CYP24A1: variants seen among roughly 807,000 people sequenced by gnomAD.
CYP24A1 encodes the protein 1,25-dihydroxyvitamin D(3) 24-hydroxylase, mitochondrial.
A neutral mutation model predicts 62.4 loss-of-function variants in CYP24A1; 68 were observed. That is an observed-to-expected ratio of 1.09 (90% CI 0.90 to 1.33). The LOEUF (loss-of-function observed/expected upper bound fraction) is 1.33, where lower values mean the gene tolerates loss of function less well. CYP24A1 is among the 40% of genes most tolerant of loss of function. The pLI is 0.00. For synonymous variants in CYP24A1, 267 were observed against 253.0 expected (o/e 1.06, Z -0.52); for missense variants, 787 against 653.0 (o/e 1.21, Z -2.24).
chr20:54,162,238 T>C lies in CYP24A1; in HGVS notation c.990+479A>G, dbSNP rs940875974. Among the ~76,000 whole-genome samples, 3 of 133,802 alleles carry C rather than the reference T, an allele frequency of 2.2e-5. No individual in the cohort carries two copies. In the East Asian group the frequency reaches 5.9e-4, roughly 26 times the overall value. The allele number at this position is 133,802 out of a possible 152,430, so 87.8% of individuals were successfully genotyped here. On this transcript the variant is annotated intron_variant, in intron 7 of 11. Coordinates refer to ENST00000216862, the MANE Select transcript of CYP24A1 (RefSeq NM_000782.5). Reference sequence around the variant, plus strand: ...AGTATGCCTTTTTTTTTTTTTTTTTTTTTTTTTTTTTTTTTTACAGTAAGT... The same window carrying C: ...AGTATGCCTTTTTTTTTTTTTTTTTCTTTTTTTTTTTTTTTTACAGTAAGT...
At position 54,157,245 on chromosome 20, in the gene CYP24A1, A is replaced by T; in HGVS notation, c.1479T>A (p.Val493=). The change falls in exon 11 of 12, where the codon GTT becomes GTA. Residue 493 remains valine (V), a synonymous_variant. Coordinates refer to ENST00000216862, the MANE Select transcript of CYP24A1 (RefSeq NM_000782.5). ...YDIQATDNEP[V]EMLHSGTLVP... ...CCAGGGTGCCTGAGTGTAGCATCTC[A>T]ACAGGCTCATTGTCTGTGGCCTGGA... The T allele has an allele frequency of 6.2e-7, 1 of 1,612,300 alleles. No homozygotes were observed.
rs371090605 is a variant in CYP24A1 at position 54,165,690 on chromosome 20, C to T, written c.732+52G>A. The T allele has an allele frequency of 5.1e-5, 47 of 922,688 alleles. No homozygotes were observed. In the African/African-American group the frequency reaches 5.9e-4, roughly 12 times the overall value. 57.2% of individuals were successfully genotyped at this position (922,688 alleles called of 1,614,324 possible). A position where few individuals can be genotyped will look rare whatever the true frequency, so the allele number is the denominator to read the frequency against. On this transcript the variant is annotated intron_variant, in intron 5 of 11. Coordinates refer to ENST00000216862, the MANE Select transcript of CYP24A1 (RefSeq NM_000782.5). ...AATCACTGTGAAGTTCTGTAAAAAT[C>T]GATCTGTAAAACATCAATCAAGAAA... is the stretch of plus-strand genomic sequence containing the variant.
At chr20:54,167,191 C>T (rs562188495) in intron 4 of CYP24A1, among the ~76,000 whole-genome samples, 1 of 152,332 alleles carries the variant, frequency 6.6e-6, no homozygotes, top group South Asian at 2.1e-4. Flanking sequence ...AGTCAGCACC[C>T]ACCCACAGCT....
At chr20:54,161,762 G>A (rs576535575) in intron 7 of CYP24A1, among the ~76,000 whole-genome samples, 1 of 152,144 alleles carries the variant, frequency 6.6e-6, no homozygotes, top group African/African-American at 2.4e-5. Flanking sequence ...AGTGAGCGAG[G>A]ATGGATTCCC....
At chr20:54,146,187 T>C in the CYP24A1 span, among the ~76,000 whole-genome samples, 1 of 152,242 alleles carries the variant, frequency 6.6e-6, no homozygotes, top group African/African-American at 2.4e-5. Flanking sequence ...TCTATTAGGT[T>C]GGTGCAAAAG....
Position 54,171,685 on chromosome 20 carries a change from G to A in CYP24A1, c.450-15C>T. 1 of 1,613,870 alleles carries A rather than the reference G, an allele frequency of 6.2e-7. No individual in the cohort carries two copies. The highest frequency in any genetic ancestry group is 1.3e-5 in the African/African-American group (1 of 74,946). Reference sequence around the variant, plus strand: ...CTTCCCCTTCCCTGTGAGAGAAGCAGGAATACATTTAGAGCACACTGAAAA... The same window carrying A: ...CTTCCCCTTCCCTGTGAGAGAAGCAAGAATACATTTAGAGCACACTGAAAA... On this transcript the variant is annotated splice_polypyrimidine_tract_variant and intron_variant, in intron 2 of 11. Coordinates refer to ENST00000216862, the MANE Select transcript of CYP24A1 (RefSeq NM_000782.5).
At chr20:54,163,390 A>T (rs1324374434) in intron 6 of CYP24A1, among the ~76,000 whole-genome samples, 1 of 152,264 alleles carries the variant, frequency 6.6e-6, no homozygotes, top group Non-Finnish European at 1.5e-5. Context: ...TATTTATAAC[A>T]TAAAATCTAG....
the CYP24A1 span, among the ~76,000 whole-genome samples, chr20:54,148,369 G>GACAGACAC: frequency 7.5e-6 from 1 of 133,378 alleles, no homozygotes; most frequent in Non-Finnish European, 1.6e-5. Flanking sequence ...CAGACACACA[G>GACAGACAC]ACACACACAC....
chr20:54,155,991 G>T (rs1692559703), intron 11 of CYP24A1, among the ~76,000 whole-genome samples: 1 of 152,102 alleles, frequency 6.6e-6, no homozygotes, highest in South Asian at 2.1e-4. Context: ...GTTGTGGAGG[G>T]AACATGAGAA....
chr20:54,161,773 A>T (rs2092651228), intron 7 of CYP24A1, among the ~76,000 whole-genome samples: 2 of 152,168 alleles, frequency 1.3e-5, no homozygotes. Context: ...ATGGATTCCC[A>T]CTTTCAACCG....
Position 54,157,524 on chromosome 20 carries a change from C to G in CYP24A1, c.1298G>C (p.Ser433Thr). ...AAGCCAACGTTCAGGTCTAAACTGA[C>G]TTGAATCTTCAAAATTGTCTTCACT... ...GSSEDNFEDS[S>T]QFRPERWLQE... is the part of the protein sequence containing the mutation. The change falls in exon 10 of 12, where the codon AGT becomes ACT. Residue 433 changes from serine (S) to threonine (T), a missense_variant. By Grantham distance (58) the Ser-to-Thr change is moderately conservative (BLOSUM62 1). Coordinates refer to ENST00000216862, the MANE Select transcript of CYP24A1 (RefSeq NM_000782.5). The G allele has an allele frequency of 6.2e-7, 1 of 1,604,450 alleles. No homozygotes were observed. The highest frequency in any genetic ancestry group is 8.5e-7 in the Non-Finnish European group (1 of 1,171,156).
intron 5 of CYP24A1, among the ~76,000 whole-genome samples, 167 bp from the exon 6 acceptor site, chr20:54,164,730 G>A (rs573648010): frequency 4.0e-5 from 6 of 151,478 alleles, no homozygotes; most frequent in East Asian, 1.9e-4. Flanking sequence ...AGCAATGCCC[G>A]TACCCCACCT....
intron 6 of CYP24A1, among the ~76,000 whole-genome samples, chr20:54,163,246 G>A (rs536029558): frequency 6.6e-6 from 1 of 152,276 alleles, no homozygotes; most frequent in East Asian, 1.9e-4. Context: ...AGAAAAAAGT[G>A]TAAAAGAAGG....
chr20:54,173,154 A>G lies in CYP24A1; in HGVS notation c.259-55T>C. The G allele has an allele frequency of 1.3e-6, 2 of 1,588,310 alleles. No individual in the cohort carries two copies. Among genetic ancestry groups the G allele is most frequent in the Non-Finnish European group, 1.7e-6 (2 of 1,168,106 alleles). ...AGCGCGCATCCTCCGCCGTGCCCGA[A>G]GCGCTTTCCCTCCTCCCGCCTCCTT... On this transcript the variant is annotated intron_variant, in intron 1 of 11. Coordinates refer to ENST00000216862, the MANE Select transcript of CYP24A1 (RefSeq NM_000782.5). The surrounding 1 kb of genome is among the most constrained non-coding windows in gnomAD (Gnocchi z 7.2).
chr20:54,154,122 A>G lies in CYP24A1; in HGVS notation c.*650T>C, dbSNP rs2092618539. On this transcript the variant is annotated 3_prime_UTR_variant, in exon 12 of 12. Transcript: ENST00000216862. The stretch of plus-strand genomic sequence containing the variant: ...GCTTCATATGCACATACACAATTTA[A>G]AAATTATTGCTTCATCTTTACCCTA... The G allele has an allele frequency of 6.6e-6, 1 of 152,138 alleles. No individual in the cohort carries two copies. Among genetic ancestry groups the G allele is most frequent in the African/African-American group, 2.4e-5 (1 of 41,426 alleles). The allele number at this position is 152,138 out of a possible 1,614,324, so 9.4% of individuals were successfully genotyped here.
chr20:54,169,666 C>T lies in CYP24A1; in HGVS notation c.566G>A (p.Arg189Lys), dbSNP rs1248967564. 1 of 1,614,196 alleles carries T rather than the reference C, an allele frequency of 6.2e-7. No homozygotes were observed. The highest frequency in any genetic ancestry group is 2.2e-5 in the East Asian group (1 of 44,886). Residue 189 changes from arginine (R) to lysine (K), a missense_variant, in exon 4 of 12, where the codon AGA (arginine) becomes AAA (lysine). Transcript: ENST00000216862. Reference protein sequence around the residue: ...INEVLADFMGRIDELCDERGH... With the variant: ...INEVLADFMGKIDELCDERGH... Reference sequence around the variant, plus strand: ...TCTTTCATCACAGAGCTCATCTATTCTGCCCATAAAATCGGCCAAGACCTT... The same window carrying T: ...TCTTTCATCACAGAGCTCATCTATTTTGCCCATAAAATCGGCCAAGACCTT...
Position 54,173,761 on chromosome 20 carries a change from G to A in CYP24A1, c.-182C>T. The A allele has an allele frequency of 1.7e-6, 1 of 606,030 alleles. No homozygotes were observed. The allele number at this position is 606,030 out of a possible 1,614,324, so 37.5% of individuals were successfully genotyped here. On this transcript the variant is annotated 5_prime_UTR_variant, in exon 1 of 12. Transcript: ENST00000216862. This position sits in a 1 kb window ranked among gnomAD's most constrained non-coding sequence, Gnocchi z 7.2. ...AGAAAGGACCTCGGCGAGGATGCTC[G>A]ACGCTGCACCACGCGACAGCCTCAG...
At position 54,157,396 on chromosome 20, in the gene CYP24A1, G is replaced by T; in HGVS notation, c.1426C>A (p.Leu476Ile). The T allele has an allele frequency of 6.3e-7, 1 of 1,589,012 alleles. No individual in the cohort carries two copies. Among genetic ancestry groups the T allele is most frequent in the Non-Finnish European group, 8.6e-7 (1 of 1,157,090 alleles). ...ACCGGTAAAGGTTTTACCCAACAAA[G>T]AGCCAAATGCAGTTGAAGCTCTGCT... ...RLAELQLHLA[L>I]CWIVRKYDIQ... The change falls in exon 10 of 12, where the codon CTT (leucine) becomes ATT (isoleucine). Residue 476 changes from leucine to isoleucine, a missense_variant. Coordinates refer to ENST00000216862, the MANE Select transcript of CYP24A1 (RefSeq NM_000782.5).
intron 3 of CYP24A1, among the ~76,000 whole-genome samples, chr20:54,170,885 ATTACT>A (rs1276216368): frequency 2.6e-5 from 4 of 152,226 alleles, no homozygotes; most frequent in Non-Finnish European, 5.9e-5. Flanking sequence ...GTAAAAAGAG[ATTACT>A]TTATGCTTAA....
Sources: allele counts gnomAD v4.1 joint callset (sites outside exome capture counted in the v4.1 genomes callset), GRCh38; gene constraint gnomAD v4.1.1; non-coding constraint Gnocchi (gnomAD v3.1); transcripts MANE v1.5; gene names NCBI Gene and HGNC (gene_info 2026-07-23, HGNC 2026-07-21).